Variants in HP1BP3 observed in about 807,000 individuals in gnomAD.
HP1BP3 encodes heterochromatin protein 1 binding protein 3, also known as heterochromatin protein 1-binding protein 3.
Under a neutral mutation model 62.5 loss-of-function variants are expected in HP1BP3, and 12 were observed. The ratio of observed to expected loss-of-function variants is 0.19; its 90% CI spans 0.12 to 0.31. HP1BP3 has a LOEUF of 0.31. HP1BP3 is among the 10% of genes least tolerant of loss of function. HP1BP3 has a pLI of 1.00. For synonymous variants in HP1BP3, 260 were observed against 237.8 expected (o/e 1.09, Z -0.86); for missense variants, 502 against 651.8 (o/e 0.77, Z 2.50).
At chr1:20,779,564 ATT>A (rs766575417) in intron 3 of HP1BP3, among the ~76,000 whole-genome samples, 11 of 152,072 alleles carry the variant, frequency 7.2e-5, no homozygotes, top group Non-Finnish European at 1.3e-4. Flanking sequence ...ATCCCCAAAC[ATT>A]TTTGTTTTTA....
chr1:20,745,229 C>T (rs1336172351), intron 12 of HP1BP3, 138 bp from the exon 13 acceptor site: 1 of 985,432 alleles, frequency 1.0e-6, no homozygotes, highest in Non-Finnish European at 1.5e-6. Flanking sequence ...CAATTTTTTA[C>T]TAGAGATTTT....
rs947797490 is a variant in HP1BP3, at chr1:20,740,538, G to A, written c.*4259C>T. Among the ~76,000 whole-genome samples, 8 of 152,314 alleles carry A rather than the reference G, an allele frequency of 5.3e-5. No individual in the cohort carries two copies. The highest frequency in any genetic ancestry group is 1.4e-4 in the African/African-American group (6 of 41,572). ...GTGGAAAAGAACAGAAGAAAGAATAGGGCCAGGTATGGCGACTCACGCCTG... is the reference window on the plus strand; with the variant it reads ...GTGGAAAAGAACAGAAGAAAGAATAAGGCCAGGTATGGCGACTCACGCCTG... On this transcript the variant is annotated 3_prime_UTR_variant, in exon 13 of 13. Coordinates refer to ENST00000438032, the MANE Select transcript of HP1BP3 (RefSeq NM_001372052.1).
At chr1:20,784,346 G>A (rs2057716250) in intron 1 of HP1BP3, among the ~76,000 whole-genome samples, 1 of 152,094 alleles carries the variant, frequency 6.6e-6, no homozygotes, top group Non-Finnish European at 1.5e-5. Flanking sequence ...CTTGTTCCTG[G>A]CAGGGATCTT....
chr1:20,775,726 TTG>T (rs1224964404), intron 4 of HP1BP3: 1 of 373,632 alleles, frequency 2.7e-6, no homozygotes, highest in African/African-American at 2.1e-5. Flanking sequence ...ATACTTACCG[TTG>T]TGTTATAACT....
chr1:20,767,967 A>C (rs1184062850), intron 6 of HP1BP3, among the ~76,000 whole-genome samples: 1 of 152,178 alleles, frequency 6.6e-6, no homozygotes, highest in African/African-American at 2.4e-5. Context: ...AAAACTTTCA[A>C]AATGAAATAA....
chr1:20,749,336 CTA>C (rs1323903588), intron 10 of HP1BP3, among the ~76,000 whole-genome samples: 1 of 149,134 alleles, frequency 6.7e-6, no homozygotes, highest in Admixed American at 6.7e-5. Context: ...AGCATGATCT[CTA>C]TGATTTTTTT....
Position 20,769,202 on chromosome 1 carries a change from C to T in HP1BP3, c.655-1538G>A, listed in dbSNP as rs187829194. On this transcript the variant is annotated intron_variant, in intron 6 of 12. Transcript: ENST00000438032. ...CTCATAGCTCAACTCAAGCGATCCT[C>T]CTGCCTCAGCCTCATGAGTTGGGAC... 3.7e-4 allele frequency among the ~76,000 whole-genome samples: 57 copies of T among 152,326 alleles called. 1 individual carries two copies. Among genetic ancestry groups the T allele is most frequent in the Non-Finnish European group, 7.9e-4 (54 of 68,032 alleles).
At chr1:20,748,248 T>C (rs1173354199) in intron 10 of HP1BP3, among the ~76,000 whole-genome samples, 2 of 152,240 alleles carry the variant, frequency 1.3e-5, no homozygotes, top group Non-Finnish European at 2.9e-5. Context: ...GAATCTCTTA[T>C]AAAGATGAAC....
chr1:20,767,776 G>C (rs1476305485), intron 6 of HP1BP3, 112 bp from the exon 7 acceptor site: 4 of 551,912 alleles, frequency 7.2e-6, no homozygotes, highest in Non-Finnish European at 9.2e-6. Flanking sequence ...TACTTCTTCA[G>C]AGAAAAAAAA....
chr1:20,770,814 C>T, intron 6 of HP1BP3, 116 bp downstream of exon 6: 1 of 759,658 alleles, frequency 1.3e-6, no homozygotes, highest in Non-Finnish European at 2.0e-6. Flanking sequence ...TAAGGAATTT[C>T]ATCATCATGA....
At chr1:20,778,978 T>TG (rs2057423891) in intron 3 of HP1BP3, among the ~76,000 whole-genome samples, 1 of 151,978 alleles carries the variant, frequency 6.6e-6, no homozygotes, top group Non-Finnish European at 1.5e-5. Flanking sequence ...TTAGTAGAGA[T>TG]GGGGTTTCAC....
chr1:20,759,330 G>A (rs1398913091), intron 8 of HP1BP3, among the ~76,000 whole-genome samples: 1 of 152,194 alleles, frequency 6.6e-6, no homozygotes, highest in African/African-American at 2.4e-5. Flanking sequence ...TTGAACCCAG[G>A]AGACGGAGGT....
intron 8 of HP1BP3, among the ~76,000 whole-genome samples, chr1:20,764,365 C>T (rs1440413405): frequency 6.7e-6 from 1 of 150,282 alleles, no homozygotes; most frequent in Non-Finnish European, 1.5e-5. Context: ...TTTTTTGAGA[C>T]GGAGTTTTGC....
At chr1:20,745,405 A>G in intron 12 of HP1BP3, 138 bp downstream of exon 12, 1 of 1,106,822 alleles carries the variant, frequency 9.0e-7, no homozygotes. Context: ...GAGAAGATCA[A>G]TCCAAATTTA....
intron 6 of HP1BP3, among the ~76,000 whole-genome samples, chr1:20,769,253 C>A (rs1307350644): frequency 6.6e-6 from 1 of 152,064 alleles, no homozygotes; most frequent in East Asian, 1.9e-4. Context: ...CTACATTTGG[C>A]TAATTTTTAA....
intron 6 of HP1BP3, among the ~76,000 whole-genome samples, chr1:20,770,341 C>G (rs577496519): frequency 6.6e-6 from 1 of 152,176 alleles, no homozygotes; most frequent in African/African-American, 2.4e-5. Context: ...TTTTTGTTTT[C>G]AGACAGGGTC....
intron 9 of HP1BP3, among the ~76,000 whole-genome samples, chr1:20,752,091 C>T (rs1381265176): frequency 3.3e-5 from 5 of 151,834 alleles, no homozygotes; most frequent in African/African-American, 1.2e-4. Context: ...GAAACCCCAT[C>T]TCTACTAAAA....
At chr1:20,781,921 C>T (rs1393430440) in intron 1 of HP1BP3, among the ~76,000 whole-genome samples, 4 of 152,080 alleles carry the variant, frequency 2.6e-5, no homozygotes, top group South Asian at 2.1e-4. Flanking sequence ...CCACCGCACC[C>T]GGCCCATTTT....
At chr1:20,748,128 G>A (rs919827680) in intron 10 of HP1BP3, among the ~76,000 whole-genome samples, 1 of 150,594 alleles carries the variant, frequency 6.6e-6, no homozygotes, top group Non-Finnish European at 1.5e-5. Context: ...GTAGTTAAGT[G>A]ACTTGCTCTA....
Sources: gnomAD v4.1 joint callset for allele counts (sites outside exome capture counted in the v4.1 genomes callset) on GRCh38, gnomAD v4.1.1 for gene constraint, MANE v1.5 for transcripts, NCBI Gene and HGNC (gene_info 2026-07-23, HGNC 2026-07-21) for gene names.